Variants in ATP6V0A2 observed in about 807,000 individuals in gnomAD.
ATP6V0A2 encodes the protein ATPase H+ transporting V0 subunit a2.
ATP6V0A2 carries 58 observed loss-of-function variants against 104.4 expected under a neutral mutation model. The ratio of observed to expected loss-of-function variants is 0.56; its 90% CI spans 0.45 to 0.69. The LOEUF (loss-of-function observed/expected upper bound fraction) is 0.69. Among genes scored for constraint, ATP6V0A2 ranks in the 30% least tolerant of loss-of-function variants. The pLI is 0.00. For missense variants in ATP6V0A2, 938 were observed against 1,062.9 expected (o/e 0.88, Z 1.63); for synonymous variants, 376 against 397.9 (o/e 0.95, Z 0.65).
rs778498073 is a variant in ATP6V0A2 at position 123,726,324 on chromosome 12, CCTT to C, written c.521+43_521+45del. The C allele has an allele frequency of 1.9e-5, 28 of 1,466,162 alleles. No homozygotes were observed. In the East Asian group the frequency reaches 3.8e-4, roughly 20 times the overall value. The allele number at this position is 1,466,162 out of a possible 1,614,324, so 90.8% of individuals were successfully genotyped here. A position where few individuals can be genotyped will look rare whatever the true frequency, so the allele number is the denominator to read the frequency against. The stretch of plus-strand genomic sequence containing the variant: ...CCTGGGGTGTCAGGCTTCATACTGC[CCTT>C]CTTGTAAAAGGCAGATGAGCTCCAT... On this transcript the variant is annotated intron_variant, in intron 5 of 19. Coordinates refer to ENST00000330342, the MANE Select transcript of ATP6V0A2 (RefSeq NM_012463.4).
At chr12:123,756,720 C>A in intron 18 of ATP6V0A2, 95 bp from the exon 19 acceptor site, 2 of 1,320,766 alleles carry the variant, frequency 1.5e-6, no homozygotes, top group Non-Finnish European at 1.1e-6. Context: ...GATAATAGTT[C>A]AGGGCCGTCA....
At chr12:123,723,851 T>G (rs911167577) in intron 3 of ATP6V0A2, 12 of 152,234 alleles carry the variant, frequency 7.9e-5, no homozygotes, top group African/African-American at 2.9e-4. Flanking sequence ...TTAGAAAAGA[T>G]TATCTAAATA....
Position 123,737,216 on chromosome 12 carries a change from T to G in ATP6V0A2, c.983T>G (p.Val328Gly). The change falls in exon 9 of 20, where the codon GTC becomes GGC. Residue 328 changes from valine (V) to glycine (G), a missense_variant. Physicochemically the swap from Val to Gly is moderately radical, Grantham distance 109. Coordinates refer to ENST00000330342, the MANE Select transcript of ATP6V0A2 (RefSeq NM_012463.4). Reference protein sequence around the residue: ...DVTNKCLIAEVWCPEADLQDL... With the variant: ...DVTNKCLIAEGWCPEADLQDL... ...ACCAACAAGTGCCTCATTGCTGAGG[T>G]CTGGTGTCCCGAGGCGGATCTGCAG... 2 of 1,614,114 alleles carry G rather than the reference T, an allele frequency of 1.2e-6. No homozygotes were observed. The highest frequency in any genetic ancestry group is 4.5e-5 in the East Asian group (2 of 44,884).
intron 2 of ATP6V0A2, among the ~76,000 whole-genome samples, chr12:123,720,342 G>T (rs1667599650): frequency 6.6e-6 from 1 of 152,176 alleles, no homozygotes; most frequent in Non-Finnish European, 1.5e-5. Context: ...GTTTTTAAAG[G>T]CAGGGCAAAT....
intron 10 of ATP6V0A2, 56 bp downstream of exon 10, chr12:123,743,991 C>A: frequency 6.3e-7 from 1 of 1,596,652 alleles, no homozygotes; most frequent in Non-Finnish European, 8.6e-7. Context: ...TGCATTCTTG[C>A]TCTAAGAATG....
chr12:123,740,680 A>C (rs1411500071), intron 9 of ATP6V0A2, among the ~76,000 whole-genome samples: 1 of 152,066 alleles, frequency 6.6e-6, no homozygotes, highest in Non-Finnish European at 1.5e-5. Context: ...TTTCAGTGGA[A>C]CCTTCTTTGC....
chr12:123,728,013 G>A (rs1956464530), intron 6 of ATP6V0A2, 104 bp downstream of exon 6: 1 of 1,479,230 alleles, frequency 6.8e-7, no homozygotes, highest in Non-Finnish European at 9.3e-7. Flanking sequence ...ATAATAAGTT[G>A]TTAACCTGAT....
intron 7 of ATP6V0A2, 96 bp downstream of exon 7, chr12:123,734,104 T>A: frequency 1.1e-6 from 1 of 929,804 alleles, no homozygotes; most frequent in Non-Finnish European, 1.7e-6. Flanking sequence ...ATAGAGTGGC[T>A]GCTAGTTTTT....
At chr12:123,749,745 C>G (rs1446258406) in intron 15 of ATP6V0A2, among the ~76,000 whole-genome samples, 1 of 152,228 alleles carries the variant, frequency 6.6e-6, no homozygotes, top group Non-Finnish European at 1.5e-5. Flanking sequence ...CTGGTCCAGA[C>G]ATGGCTCACC....
At chr12:123,719,021 T>C (rs1956371243) in intron 2 of ATP6V0A2, among the ~76,000 whole-genome samples, 1 of 152,242 alleles carries the variant, frequency 6.6e-6, no homozygotes, top group East Asian at 1.9e-4. Context: ...GATGGCAGCA[T>C]ACTATTTGAT....
chr12:123,749,314 G>A (rs1956692814), intron 15 of ATP6V0A2, among the ~76,000 whole-genome samples: 1 of 152,130 alleles, frequency 6.6e-6, no homozygotes, highest in Non-Finnish European at 1.5e-5. Flanking sequence ...AAACTGGTGG[G>A]AAGAAAATGC....
intron 18 of ATP6V0A2, among the ~76,000 whole-genome samples, chr12:123,755,161 C>T (rs1257798204): frequency 1.3e-5 from 2 of 152,114 alleles, no homozygotes; most frequent in African/African-American, 4.8e-5. Flanking sequence ...GCTGATAACC[C>T]ACCAGTGGTG....
intron 3 of ATP6V0A2, 97 bp downstream of exon 3, chr12:123,722,545 C>T (rs1956410177): frequency 1.3e-6 from 1 of 786,232 alleles, no homozygotes; most frequent in African/African-American, 1.7e-5. Flanking sequence ...CCTTTCTTCT[C>T]AAAACTATGG....
rs1157510682 is a variant in ATP6V0A2, at chr12:123,758,895, GT to G, written c.*867del. 1.3e-5 allele frequency: 2 copies of G among 152,308 alleles called. No individual in the cohort carries two copies. The highest frequency in any genetic ancestry group is 2.4e-5 in the African/African-American group (1 of 41,434). 9.4% of individuals were successfully genotyped at this position (152,308 alleles called of 1,614,324 possible). ...AGGATTGTTTTTACAATTTTGTCTT[GT>G]TTTAGTAATTGGGGACAATGGGATA... On this transcript the variant is annotated 3_prime_UTR_variant, in exon 20 of 20. Transcript: ENST00000330342.
At chr12:123,729,289 G>A (rs985165447) in intron 6 of ATP6V0A2, among the ~76,000 whole-genome samples, 26 of 142,882 alleles carry the variant, frequency 1.8e-4, no homozygotes, top group African/African-American at 6.4e-4. Flanking sequence ...CCTCTCACAC[G>A]GCTCTGGAAT....
chr12:123,725,793 TAAAA>T (rs34221363), intron 4 of ATP6V0A2, among the ~76,000 whole-genome samples: 4 of 117,904 alleles, frequency 3.4e-5, no homozygotes, highest in Non-Finnish European at 3.6e-5. Flanking sequence ...ACCCTGTATC[TAAAA>T]AAAAAAAAAA....
intron 5 of ATP6V0A2, 26 bp from the exon 6 acceptor site, chr12:123,727,757 T>TA (rs1956461925): frequency 6.2e-7 from 1 of 1,613,680 alleles, no homozygotes; most frequent in African/African-American, 1.3e-5. Context: ...TTCAGTTGAC[T>TA]ACAGGTTGAC....
At chr12:123,717,122 C>G (rs1956348923) in intron 1 of ATP6V0A2, among the ~76,000 whole-genome samples, 1 of 151,796 alleles carries the variant, frequency 6.6e-6, no homozygotes. Flanking sequence ...TGAGACCAGC[C>G]TGGCCAACAT....
chr12:123,748,736 A>C lies in ATP6V0A2; in HGVS notation c.1886A>C (p.Asn629Thr), dbSNP rs762135606. The C allele has an allele frequency of 8.5e-5, 138 of 1,614,084 alleles. No individual in the cohort carries two copies. The highest frequency in any genetic ancestry group is 1.1e-4 in the Non-Finnish European group (131 of 1,180,042). Residue 629 changes from asparagine to threonine, a missense_variant, in exon 15 of 20, where the codon AAC (asparagine) becomes ACC (threonine). Physicochemically the swap from Asn to Thr is moderately conservative, Grantham distance 65. Transcript: ENST00000330342. ...VAPSILIEFI[N>T]MFLFPASKTS... ...CCCAGCATTCTGATTGAATTTATTA[A>C]CATGTTTTTATTCCCAGCCAGTAAA... is the stretch of plus-strand genomic sequence containing the variant.
Sources: allele counts gnomAD v4.1 joint callset (sites outside exome capture counted in the v4.1 genomes callset), GRCh38; gene constraint gnomAD v4.1.1; transcripts MANE v1.5; gene names NCBI Gene and HGNC (gene_info 2026-07-23, HGNC 2026-07-21).